MROH7: variants seen among roughly 807,000 people sequenced by gnomAD.
MROH7 encodes maestro heat-like repeat-containing protein family member 7.
MROH7 carries 113 observed loss-of-function variants against 129.2 expected under a neutral mutation model. That is an observed-to-expected ratio of 0.87 (90% CI 0.75 to 1.02). MROH7 has a LOEUF of 1.02. Ranked by LOEUF, MROH7 falls within the 50% of genes least tolerant of loss-of-function variation. MROH7 has a pLI of 0.00. For missense variants in MROH7, 1,601 were observed against 1,671.3 expected (o/e 0.96, Z 0.73); for synonymous variants, 655 against 667.9 (o/e 0.98, Z 0.30).
chr1:54,649,807 TTAAG>T (rs1321004907), intron 1 of MROH7, among the ~76,000 whole-genome samples: 2 of 152,236 alleles, frequency 1.3e-5, no homozygotes, highest in East Asian at 1.9e-4. Context: ...ACGCTCCTCC[TTAAG>T]TAAGAAGAGA....
chr1:54,649,261 C>T (rs145678073), intron 1 of MROH7, among the ~76,000 whole-genome samples: 1 of 152,382 alleles, frequency 6.6e-6, no homozygotes, highest in African/African-American at 2.4e-5. Flanking sequence ...TAATGATTCT[C>T]TCTGTCTTAG....
At chr1:54,675,810 CA>C (rs1644971338) in intron 10 of MROH7, among the ~76,000 whole-genome samples, 1 of 148,638 alleles carries the variant, frequency 6.7e-6, no homozygotes, top group Non-Finnish European at 1.5e-5. Flanking sequence ...CCATCTCTAC[CA>C]AAAATACAAA....
intron 5 of MROH7, among the ~76,000 whole-genome samples, chr1:54,669,586 G>A (rs901087099): frequency 2.0e-5 from 3 of 152,138 alleles, no homozygotes; most frequent in Non-Finnish European, 2.9e-5. Context: ...GTGCAGTGGC[G>A]CCATTATGGC....
intron 19 of MROH7, among the ~76,000 whole-genome samples, chr1:54,701,736 T>C (rs1167799868): frequency 6.6e-6 from 1 of 151,564 alleles, no homozygotes; most frequent in Non-Finnish European, 1.5e-5. Flanking sequence ...GCCCAGCTAA[T>C]TTTGCATTTT....
At chr1:54,650,830 C>T (rs1644543075) in intron 1 of MROH7, among the ~76,000 whole-genome samples, 1 of 151,492 alleles carries the variant, frequency 6.6e-6, no homozygotes, top group African/African-American at 2.4e-5. Flanking sequence ...CTCAAGTGAT[C>T]CTCCCACCTC....
At chr1:54,665,105 AT>A in intron 3 of MROH7, 61 bp from the exon 4 acceptor site, 2 of 1,322,540 alleles carry the variant, frequency 1.5e-6, no homozygotes, top group Non-Finnish European at 2.2e-6. Context: ...GAGAGATGGC[AT>A]GATGGCATCC....
chr1:54,661,256 A>G (rs554979603), intron 3 of MROH7, among the ~76,000 whole-genome samples: 1 of 152,374 alleles, frequency 6.6e-6, no homozygotes, highest in East Asian at 1.9e-4. Flanking sequence ...TCTGTTGCCC[A>G]GGCTGGAGTG....
At chr1:54,654,234 G>T in intron 3 of MROH7, 77 bp downstream of exon 3, 1 of 1,376,684 alleles carries the variant, frequency 7.3e-7, no homozygotes, top group Non-Finnish European at 9.7e-7. Flanking sequence ...GGCAGGGAGA[G>T]GAGAAGGAAG....
intron 4 of MROH7, among the ~76,000 whole-genome samples, chr1:54,668,134 G>C (rs1644840635): frequency 6.6e-6 from 1 of 152,238 alleles, no homozygotes; most frequent in Non-Finnish European, 1.5e-5. Flanking sequence ...TGGCAGCACA[G>C]TGGCTGAGTT....
intron 15 of MROH7, among the ~76,000 whole-genome samples, chr1:54,691,755 G>A (rs984081442): frequency 1.0e-4 from 15 of 149,764 alleles, no homozygotes; most frequent in South Asian, 4.2e-4. Flanking sequence ...GCAGTGAGCC[G>A]AGATCGCACC....
At chr1:54,661,619 G>C (rs1407552767) in intron 3 of MROH7, among the ~76,000 whole-genome samples, 1 of 144,714 alleles carries the variant, frequency 6.9e-6, no homozygotes, top group African/African-American at 2.5e-5. Context: ...TTTTGAGACA[G>C]AGTTTTGCTC....
At chr1:54,681,252 T>C (rs1645065329) in intron 13 of MROH7, among the ~76,000 whole-genome samples, 1 of 152,156 alleles carries the variant, frequency 6.6e-6, no homozygotes, top group African/African-American at 2.4e-5. Flanking sequence ...GCTGGTCTCT[T>C]GGGCCTCTCA....
At chr1:54,671,348 C>T (rs1028374422) in intron 7 of MROH7, among the ~76,000 whole-genome samples, 6 of 152,156 alleles carry the variant, frequency 3.9e-5, no homozygotes, top group East Asian at 3.9e-4. Flanking sequence ...TGCAGTGAGC[C>T]GAGATTGCGC....
At chr1:54,674,388 T>C (rs1442439916) in intron 10 of MROH7, among the ~76,000 whole-genome samples, 1 of 152,214 alleles carries the variant, frequency 6.6e-6, no homozygotes, top group Admixed American at 6.5e-5. Flanking sequence ...TTTCTCATCC[T>C]TCCAAGCTTA....
chr1:54,661,122 GAT>G (rs377730717), intron 3 of MROH7, among the ~76,000 whole-genome samples: 5 of 151,950 alleles, frequency 3.3e-5, no homozygotes, highest in African/African-American at 1.2e-4. Flanking sequence ...ATGTAATTCA[GAT>G]ATGAGTTCTT....
At chr1:54,681,960 C>A (rs927644527) in intron 13 of MROH7, among the ~76,000 whole-genome samples, 14 of 152,126 alleles carry the variant, frequency 9.2e-5, no homozygotes, top group African/African-American at 3.4e-4. Context: ...ATGGGAATAA[C>A]AACACTCACC....
Position 54,654,117 on chromosome 1 carries a change from C to G in MROH7, c.1191C>G (p.Pro397=). ...CGCTGGGATTCCCCATCTCCAACCC[C>G]GCAGGCAAGGACGCCGTGACCTTGC... ...QFPLGFPISN[P]AGKDAVTLQG... Residue 397 remains proline (P), a synonymous_variant, in exon 3 of 24, where the codon CCC becomes CCG. Transcript: ENST00000421030. 2 of 1,613,656 alleles carry G rather than the reference C, an allele frequency of 1.2e-6. No homozygotes were observed. Among genetic ancestry groups the G allele is most frequent in the South Asian group, 1.1e-5 (1 of 90,962 alleles).
chr1:54,702,978 G>A (rs574353102), intron 21 of MROH7, among the ~76,000 whole-genome samples: 2 of 152,072 alleles, frequency 1.3e-5, no homozygotes, highest in Non-Finnish European at 2.9e-5. Context: ...TTCAAGCTCA[G>A]CTTGTCTCTT....
chr1:54,670,674 C>A, intron 6 of MROH7, 98 bp downstream of exon 6: 1 of 1,314,070 alleles, frequency 7.6e-7, no homozygotes, highest in Non-Finnish European at 1.1e-6. Context: ...CCAACCCGCC[C>A]CCACCCCTCG....
Sources: allele counts gnomAD v4.1 joint callset (sites outside exome capture counted in the v4.1 genomes callset), GRCh38; gene constraint gnomAD v4.1.1; transcripts MANE v1.5; gene names NCBI Gene and HGNC (gene_info 2026-07-23, HGNC 2026-07-21).